The following CTNNA3 variants were observed in gnomAD, a reference collection of about 807,000 sequenced individuals.
CTNNA3 encodes catenin alpha 3.
A neutral mutation model predicts 95.7 loss-of-function variants in CTNNA3; 76 were observed. That is an observed-to-expected ratio of 0.79 (90% CI 0.66 to 0.96). The LOEUF (loss-of-function observed/expected upper bound fraction) is 0.96. CTNNA3 is among the 40% of genes least tolerant of loss of function. The pLI, the probability that CTNNA3 is intolerant of heterozygous loss-of-function variation, is 0.00. For missense variants in CTNNA3, 1,191 were observed against 1,089.8 expected (o/e 1.09, Z -1.31); for synonymous variants, 431 against 374.4 (o/e 1.15, Z -1.74).
At chr10:66,606,414 G>A (rs557630888) in intron 10 of CTNNA3, among the ~76,000 whole-genome samples, 42 of 152,156 alleles carry the variant, frequency 2.8e-4, no homozygotes, top group African/African-American at 1.0e-3. Context: ...TGGATCAAAC[G>A]GACCTGAGAG....
intron 9 of CTNNA3, among the ~76,000 whole-genome samples, chr10:66,702,406 G>A (rs755331108): frequency 7.2e-5 from 11 of 152,038 alleles, no homozygotes; most frequent in Non-Finnish European, 1.5e-4. Context: ...GTTTCCTTCA[G>A]AGTCATCTTG....
At chr10:67,440,552 G>T (rs1198641830) in intron 5 of CTNNA3, among the ~76,000 whole-genome samples, 5 of 152,116 alleles carry the variant, frequency 3.3e-5, no homozygotes. Flanking sequence ...CCTGGCTTCA[G>T]GTCTGACCTC....
intron 10 of CTNNA3, among the ~76,000 whole-genome samples, chr10:66,578,619 G>A (rs911002678): frequency 6.6e-6 from 1 of 151,810 alleles, no homozygotes; most frequent in African/African-American, 2.4e-5. Context: ...TGAATCACAT[G>A]TATTGATTTG....
At chr10:67,213,486 G>T (rs1864226074) in intron 6 of CTNNA3, among the ~76,000 whole-genome samples, 1 of 151,202 alleles carries the variant, frequency 6.6e-6, no homozygotes, top group African/African-American at 2.4e-5. Context: ...TTTTCCTTCT[G>T]GGTTTTTTAT....
chr10:67,321,903 C>T (rs1313633224), intron 5 of CTNNA3, among the ~76,000 whole-genome samples: 2 of 152,106 alleles, frequency 1.3e-5, no homozygotes, highest in Non-Finnish European at 2.9e-5. Flanking sequence ...CTCATTTGCT[C>T]AGGTGGAATA....
Position 66,165,893 on chromosome 10 carries a change from A to T in CTNNA3, c.1885-62644T>A, listed in dbSNP as rs571189998. On this transcript the variant is annotated intron_variant, in intron 13 of 17. Transcript: ENST00000433211. ...AAGCAATTCTCTGCCTCAGCCTCCC[A>T]AGTAGCTGGGATTACAGGCACCTGC... 1.2e-4 allele frequency among the ~76,000 whole-genome samples: 18 copies of T among 151,774 alleles called. No individual in the cohort carries two copies. In the East Asian group the frequency reaches 3.5e-3, roughly 30 times the overall value.
At position 66,379,186 on chromosome 10, in the gene CTNNA3, A is replaced by C. The variant is rs752106081; in HGVS notation, c.1698T>G (p.Gly566=). The C allele has an allele frequency of 4.3e-6, 7 of 1,614,088 alleles. No individual in the cohort carries two copies. In the South Asian group the frequency reaches 7.7e-5, roughly 18 times the overall value. The change falls in exon 12 of 18, where the codon GGT becomes GGG. Residue 566 remains glycine (G), a synonymous_variant. Transcript: ENST00000433211. ...TAAGGAAGTTAACATTTCTCATTACACCTTCCGTGTAAGCCCCTGGCTCGT... is the reference window on the plus strand; with the variant it reads ...TAAGGAAGTTAACATTTCTCATTACCCCTTCCGTGTAAGCCCCTGGCTCGT... ...DSYEPGAYTE[G]VMRNVNFLTS...
intron 10 of CTNNA3, among the ~76,000 whole-genome samples, chr10:66,553,512 C>CTTTT (rs1451044269): frequency 9.5e-5 from 3 of 31,732 alleles, no homozygotes; most frequent in African/African-American, 2.1e-4. Flanking sequence ...ATGAACAATA[C>CTTTT]TTTTCTTTTT....
At chr10:66,886,874 T>C (rs1303302422) in intron 7 of CTNNA3, among the ~76,000 whole-genome samples, 2 of 152,172 alleles carry the variant, frequency 1.3e-5, no homozygotes, top group Admixed American at 1.3e-4. Context: ...TCTCAGAATA[T>C]AAATGGAGAA....
intron 17 of CTNNA3, among the ~76,000 whole-genome samples, chr10:65,965,986 C>A (rs1035645925): frequency 3.9e-5 from 6 of 152,110 alleles, no homozygotes; most frequent in Non-Finnish European, 7.3e-5. Context: ...ATTACCATTT[C>A]TTCTCCAGAG....
intron 1 of CTNNA3, among the ~76,000 whole-genome samples, chr10:67,701,197 C>T (rs897263640): frequency 9.9e-5 from 15 of 152,214 alleles, no homozygotes; most frequent in African/African-American, 2.4e-5. Context: ...TTGGAAAACA[C>T]TCTGCAGGAT....
intron 2 of CTNNA3, among the ~76,000 whole-genome samples, chr10:67,632,989 C>G (rs66822969): frequency 0.26 from 38,793 of 152,056 alleles, 8,361 homozygotes; most frequent in African/African-American, 0.57. Context: ...AAGTTCCTTG[C>G]GGGAGGGGCG....
chr10:66,038,080 A>G (rs2079603925), intron 15 of CTNNA3, among the ~76,000 whole-genome samples: 1 of 152,240 alleles, frequency 6.6e-6, no homozygotes, highest in African/African-American at 2.4e-5. Context: ...ACAGGAATAC[A>G]AGACAAATGT....
intron 13 of CTNNA3, among the ~76,000 whole-genome samples, chr10:66,253,617 C>T (rs1046639626): frequency 2.8e-4 from 42 of 152,268 alleles, no homozygotes; most frequent in African/African-American, 8.7e-4. Context: ...GTGTGCACCA[C>T]AGTACTGGTG....
At chr10:67,267,099 A>C (rs933475253) in intron 5 of CTNNA3, among the ~76,000 whole-genome samples, 6 of 152,174 alleles carry the variant, frequency 3.9e-5, no homozygotes, top group Non-Finnish European at 7.4e-5. Context: ...ATTTTATTTT[A>C]AAAGACTGAC....
At chr10:67,320,058 T>A (rs1841243952) in intron 5 of CTNNA3, among the ~76,000 whole-genome samples, 2 of 152,188 alleles carry the variant, frequency 1.3e-5, no homozygotes, top group South Asian at 4.1e-4. Flanking sequence ...CGGCATGTTG[T>A]AAACTTGGTA....
intron 7 of CTNNA3, among the ~76,000 whole-genome samples, chr10:66,922,886 G>A (rs1256383647): frequency 6.6e-6 from 1 of 152,076 alleles, no homozygotes; most frequent in Non-Finnish European, 1.5e-5. Flanking sequence ...ATATAGGCAT[G>A]CAATGTGTAA....
At chr10:67,063,699 TA>T (rs1275650809) in intron 7 of CTNNA3, among the ~76,000 whole-genome samples, 1 of 152,234 alleles carries the variant, frequency 6.6e-6, no homozygotes, top group East Asian at 1.9e-4. Context: ...GTCACACAGA[TA>T]ATTGGCATGA....
chr10:66,928,482 T>C, intron 7 of CTNNA3: 1 of 1,544,108 alleles, frequency 6.5e-7, no homozygotes, highest in Non-Finnish European at 8.7e-7. Flanking sequence ...AAAGAGCTCT[T>C]AAAAGCTGGG....
Sources: allele counts gnomAD v4.1 joint callset (sites outside exome capture counted in the v4.1 genomes callset), GRCh38; gene constraint gnomAD v4.1.1; transcripts MANE v1.5; gene names NCBI Gene and HGNC (gene_info 2026-07-23, HGNC 2026-07-21).